The following TNFSF13B variants were observed in gnomAD, a reference collection of about 807,000 sequenced individuals.
The protein encoded by TNFSF13B is tumor necrosis factor ligand superfamily member 13B.
TNFSF13B carries 8 observed loss-of-function variants against 29.1 expected under a neutral mutation model. That is an observed-to-expected ratio of 0.27 (90% CI 0.16 to 0.50). The LOEUF (loss-of-function observed/expected upper bound fraction) is 0.50, where lower values mean the gene tolerates loss of function less well. TNFSF13B is among the 20% of genes least tolerant of loss of function. TNFSF13B has a pLI of 0.98. For synonymous variants in TNFSF13B, 125 were observed against 130.8 expected, an observed-to-expected ratio of 0.96 and a Z score of 0.30; for missense variants, 248 against 334.9, an observed-to-expected ratio of 0.74 and a Z score of 2.03.
chr13:108,294,699 A>G (rs1242348715), intron 3 of TNFSF13B, among the ~76,000 whole-genome samples: 1 of 109,386 alleles, frequency 9.1e-6, no homozygotes, highest in Non-Finnish European at 2.1e-5. Flanking sequence ...TTTGTGTGGC[A>G]TTGATATCAG....
At chr13:108,273,622 G>T (rs1191281184) in intron 2 of TNFSF13B, among the ~76,000 whole-genome samples, 6 of 152,102 alleles carry the variant, frequency 3.9e-5, no homozygotes, top group African/African-American at 1.4e-4. Context: ...GTGAGTATCT[G>T]CTTAAAACAC....
At chr13:108,282,581 C>A (rs1880988455) in intron 2 of TNFSF13B, among the ~76,000 whole-genome samples, 1 of 152,102 alleles carries the variant, frequency 6.6e-6, no homozygotes, top group African/African-American at 2.4e-5. Flanking sequence ...TGATCAATAG[C>A]AAATTATTTT....
rs1348454079 is a variant in TNFSF13B, at chr13:108,279,102, A to G, written c.425-7701A>G. 3.9e-5 allele frequency among the ~76,000 whole-genome samples: 6 copies of G among 152,302 alleles called. No individual in the cohort carries two copies. In the South Asian group the frequency reaches 1.2e-3, roughly 32 times the overall value. ...CCCTCAAGCAATGACTTGATTTAAC[A>G]CATTTCATAAAGCTGGATTTAGTGA... On this transcript the variant is annotated intron_variant, in intron 2 of 5. Coordinates refer to ENST00000375887, the MANE Select transcript of TNFSF13B (RefSeq NM_006573.5).
chr13:108,289,608 A>T (rs911110813), intron 3 of TNFSF13B, among the ~76,000 whole-genome samples: 1 of 147,714 alleles, frequency 6.8e-6, no homozygotes, highest in Non-Finnish European at 1.5e-5. Context: ...ATATAATAAT[A>T]TATTATTATC....
chr13:108,284,355 TGAATAAATAAACAAACAAAC>T (rs781421852), intron 2 of TNFSF13B, among the ~76,000 whole-genome samples: 122 of 97,062 alleles, frequency 1.3e-3, no homozygotes, highest in East Asian at 2.9e-3. Flanking sequence ...AATAAATAAA[TGAATAAATAAACAAACAAAC>T]AAACAAACAA....
At chr13:108,300,635 C>T (rs890753587) in intron 3 of TNFSF13B, among the ~76,000 whole-genome samples, 1 of 152,104 alleles carries the variant, frequency 6.6e-6, no homozygotes, top group African/African-American at 2.4e-5. Flanking sequence ...GTAAAAGAGG[C>T]GATGATGATT....
chr13:108,277,363 A>C (rs907362525), intron 2 of TNFSF13B, among the ~76,000 whole-genome samples: 2 of 152,126 alleles, frequency 1.3e-5, no homozygotes, highest in East Asian at 3.9e-4. Context: ...ACTTCAATCT[A>C]TTTTCGCAGC....
intron 2 of TNFSF13B, among the ~76,000 whole-genome samples, chr13:108,275,159 CTG>C (rs2139042067): frequency 6.6e-6 from 1 of 152,160 alleles, no homozygotes; most frequent in African/African-American, 2.4e-5. Context: ...AAGCCCGTAA[CTG>C]TGTTTGGAGA....
intron 2 of TNFSF13B, among the ~76,000 whole-genome samples, chr13:108,274,271 T>C (rs1338237213): frequency 6.6e-6 from 1 of 151,770 alleles, no homozygotes; most frequent in Non-Finnish European, 1.5e-5. Context: ...TCAACTGTAT[T>C]TGTTCATATA....
chr13:108,274,811 A>G (rs909689614), intron 2 of TNFSF13B, among the ~76,000 whole-genome samples: 6 of 152,104 alleles, frequency 3.9e-5, no homozygotes, highest in Non-Finnish European at 8.8e-5. Context: ...ATATTTATTA[A>G]TTGTCTACAT....
intron 3 of TNFSF13B, among the ~76,000 whole-genome samples, chr13:108,296,197 A>G (rs1331885315): frequency 6.9e-6 from 1 of 145,468 alleles, no homozygotes; most frequent in Non-Finnish European, 1.5e-5. Context: ...AGATACTGAA[A>G]TCTTCAGCTG....
At chr13:108,300,304 A>T (rs926404694) in intron 3 of TNFSF13B, among the ~76,000 whole-genome samples, 1 of 152,222 alleles carries the variant, frequency 6.6e-6, no homozygotes, top group African/African-American at 2.4e-5. Context: ...CTGCATGTCT[A>T]CTGTGGGTCA....
chr13:108,301,618 T>A (rs1281511982), intron 3 of TNFSF13B, among the ~76,000 whole-genome samples: 1 of 152,110 alleles, frequency 6.6e-6, no homozygotes, highest in Admixed American at 6.6e-5. Context: ...GAGAGTAGAA[T>A]GGTGTTGACC....
intron 3 of TNFSF13B, among the ~76,000 whole-genome samples, chr13:108,289,881 C>T (rs1310167051): frequency 6.6e-6 from 1 of 151,648 alleles, no homozygotes; most frequent in Non-Finnish European, 1.5e-5. Context: ...AGTGTAGTCT[C>T]ATGTCTTTTC....
chr13:108,306,633 C>G (rs1881782641), intron 5 of TNFSF13B, among the ~76,000 whole-genome samples, 193 bp from the exon 6 acceptor site: 1 of 151,512 alleles, frequency 6.6e-6, no homozygotes, highest in Non-Finnish European at 1.5e-5. Context: ...TGTTGTAACT[C>G]CTTTTGCTTA....
intron 2 of TNFSF13B, among the ~76,000 whole-genome samples, chr13:108,281,073 C>T (rs1048621555): frequency 1.3e-5 from 2 of 151,990 alleles, no homozygotes; most frequent in East Asian, 1.9e-4. Context: ...ACAGAGAAAC[C>T]CTGTCTCTAC....
At chr13:108,271,222 T>G (rs1880604533) in intron 2 of TNFSF13B, among the ~76,000 whole-genome samples, 2 of 152,174 alleles carry the variant, frequency 1.3e-5, no homozygotes, top group African/African-American at 4.8e-5. Flanking sequence ...TTCTTAATAT[T>G]ATTGTCCTTT....
At chr13:108,292,442 C>A (rs1405661140) in intron 3 of TNFSF13B, among the ~76,000 whole-genome samples, 1 of 152,000 alleles carries the variant, frequency 6.6e-6, no homozygotes, top group South Asian at 2.1e-4. Context: ...TTCCTGAGTG[C>A]CTCTTTTCAA....
intron 3 of TNFSF13B, among the ~76,000 whole-genome samples, chr13:108,297,854 C>T (rs1881497191): frequency 1.4e-5 from 2 of 145,496 alleles, no homozygotes; most frequent in East Asian, 3.9e-4. Context: ...TTAGGGTTCA[C>T]CTTAATGTTT....
Sources: gnomAD v4.1 joint callset for allele counts (sites outside exome capture counted in the v4.1 genomes callset) on GRCh38, gnomAD v4.1.1 for gene constraint, MANE v1.5 for transcripts, NCBI Gene and HGNC (gene_info 2026-07-23, HGNC 2026-07-21) for gene names.